The following PLEKHG1 variants were observed in gnomAD, a reference collection of about 807,000 sequenced individuals.
The protein encoded by PLEKHG1 is pleckstrin homology domain-containing family G member 1.
Under a neutral mutation model 100.8 loss-of-function variants are expected in PLEKHG1, and 44 were observed. The ratio of observed to expected loss-of-function variants is 0.44; its 90% confidence interval spans 0.34 to 0.56. The LOEUF (loss-of-function observed/expected upper bound fraction) is 0.56, where lower values mean the gene tolerates loss of function less well. Among genes scored for constraint, PLEKHG1 ranks in the 20% least tolerant of loss-of-function variants. PLEKHG1 has a pLI of 0.01. For synonymous variants in PLEKHG1, 640 were observed against 662.5 expected (o/e 0.97, Z 0.52); for missense variants, 1,545 against 1,720.9 (o/e 0.90, Z 1.81).
intron 3 of PLEKHG1, among the ~76,000 whole-genome samples, chr6:150,709,660 T>C (rs574412501): frequency 2.7e-4 from 41 of 152,340 alleles, no homozygotes; most frequent in African/African-American, 9.9e-4. Flanking sequence ...TAAAATTGTC[T>C]GGGAGAGCTG....
intron 3 of PLEKHG1, among the ~76,000 whole-genome samples, chr6:150,653,244 T>C (rs1355201339): frequency 1.3e-5 from 2 of 152,162 alleles, no homozygotes; most frequent in Non-Finnish European, 2.9e-5. Context: ...ATAAGGAACA[T>C]ATAATATGGA....
chr6:150,770,241 T>C (rs907080291), intron 3 of PLEKHG1, among the ~76,000 whole-genome samples: 1 of 152,198 alleles, frequency 6.6e-6, no homozygotes, highest in Admixed American at 6.5e-5. Flanking sequence ...CTTGGCTTAC[T>C]AAAATTGGTA....
At chr6:150,786,736 G>T (rs1156470649) in intron 4 of PLEKHG1, among the ~76,000 whole-genome samples, 2 of 151,918 alleles carry the variant, frequency 1.3e-5, no homozygotes, top group Non-Finnish European at 2.9e-5. Flanking sequence ...GTAGAAGAAT[G>T]TTAGAAAAAT....
At chr6:150,726,369 C>T (rs1192007884) in intron 1 of PLEKHG1, among the ~76,000 whole-genome samples, 1 of 152,154 alleles carries the variant, frequency 6.6e-6, no homozygotes, top group Non-Finnish European at 1.5e-5. Context: ...CACATGTATA[C>T]TTATCTCCAG....
chr6:150,708,203 G>T (rs9478788), intron 3 of PLEKHG1, among the ~76,000 whole-genome samples: 67,897 of 151,988 alleles, frequency 0.45, 15,812 homozygotes, highest in Admixed American at 0.52. Flanking sequence ...CTCTTTTTCA[G>T]GTCATTCTCA....
At chr6:150,826,168 G>A (rs142943915) in intron 14 of PLEKHG1, among the ~76,000 whole-genome samples, 87 of 151,534 alleles carry the variant, frequency 5.7e-4, no homozygotes, top group African/African-American at 2.1e-3. Flanking sequence ...GGCAACAAGA[G>A]CAAAAAAGGC....
intron 1 of PLEKHG1, among the ~76,000 whole-genome samples, chr6:150,614,119 A>C (rs1776962322): frequency 6.6e-6 from 1 of 152,212 alleles, no homozygotes; most frequent in South Asian, 2.1e-4. Flanking sequence ...GCTGATTGTG[A>C]TCTTGAGCTC....
intron 1 of PLEKHG1, among the ~76,000 whole-genome samples, chr6:150,634,038 T>A (rs1777876924): frequency 6.6e-6 from 1 of 151,770 alleles, no homozygotes; most frequent in African/African-American, 2.4e-5. Flanking sequence ...GATCAGGAGT[T>A]GGAGACCAGC....
Position 150,618,010 on chromosome 6 carries a change from A to G in PLEKHG1, c.-204+17993A>G, listed in dbSNP as rs192283823. Among the ~76,000 whole-genome samples the G allele has an allele frequency of 1.4e-4, 21 of 152,360 alleles. 1 individual carries two copies. The highest frequency in any genetic ancestry group is 1.2e-3 in the Admixed American group (18 of 15,302). On this transcript the variant is annotated intron_variant, in intron 1 of 3. Transcript: ENST00000367326. ...AGTGTGTATGCACACATGAGCCATT[A>G]CATATACACACATATACATATAAGT...
chr6:150,750,311 G>C (rs1783433075), intron 2 of PLEKHG1, among the ~76,000 whole-genome samples: 1 of 152,122 alleles, frequency 6.6e-6, no homozygotes, highest in South Asian at 2.1e-4. Flanking sequence ...CTAAAGCCGA[G>C]GTTGCACATG....
rs565121317 is a variant in PLEKHG1 at position 150,628,527 on chromosome 6, A to AACACACACACACACACACACACAC, written c.-203-9526_-203-9503dup. 1.9e-3 allele frequency among the ~76,000 whole-genome samples: 184 copies of AACACACACACACACACACACACAC among 94,772 alleles called. 1 individual carries two copies. Among genetic ancestry groups the AACACACACACACACACACACACAC allele is most frequent in the Middle Eastern group, 6.4e-3 (1 of 156 alleles). The allele number at this position is 94,772 out of a possible 152,430, so 62.2% of individuals were successfully genotyped here. A position where few individuals can be genotyped will look rare whatever the true frequency, so the allele number is the denominator to read the frequency against. ...TTTTGGGATGGTATGTAGATAGGAA[A>AACACACACACACACACACACACAC]ACACACACACACACACACACACACA... On this transcript the variant is annotated intron_variant, in intron 1 of 3. Transcript: ENST00000367326.
Position 150,649,783 on chromosome 6 carries a change from G to A in PLEKHG1, c.-157-945G>A, listed in dbSNP as rs541253044. On this transcript the variant is annotated intron_variant, in intron 2 of 3. Transcript: ENST00000367326. ...TCCCAGCACTTTGGGAGGCCGAGGC[G>A]GGCGGATCACAAGGTCAGGAGATCG... 2.5e-3 allele frequency among the ~76,000 whole-genome samples: 383 copies of A among 152,182 alleles called. 3 individuals carry two copies. The highest frequency in any genetic ancestry group is 8.5e-3 in the African/African-American group (353 of 41,520).
At chr6:150,758,460 C>T (rs528274416) in intron 2 of PLEKHG1, among the ~76,000 whole-genome samples, 29 of 152,212 alleles carry the variant, frequency 1.9e-4, no homozygotes, top group African/African-American at 6.5e-4. Context: ...CTCAGCCTCC[C>T]GAGTAGCTGG....
chr6:150,819,894 CATTTGCGGCTGCCTTAAG>C, intron 12 of PLEKHG1, 120 bp downstream of exon 13: 1 of 690,292 alleles, frequency 1.4e-6, no homozygotes. Flanking sequence ...GGTCTGAATA[CATTTGCGGCTGCCTTAAG>C]ATGGGACTCA....
chr6:150,695,210 T>C (rs1330741712), intron 3 of PLEKHG1, among the ~76,000 whole-genome samples: 4 of 152,232 alleles, frequency 2.6e-5, no homozygotes, highest in Non-Finnish European at 5.9e-5. Context: ...CTGATTTCCA[T>C]TTTCTTTGCT....
intron 14 of PLEKHG1, among the ~76,000 whole-genome samples, chr6:150,826,406 C>T (rs578073623): frequency 7.2e-5 from 11 of 152,088 alleles, no homozygotes; most frequent in South Asian, 2.1e-4. Flanking sequence ...TGCAGTAAGC[C>T]GAGATTGTGC....
intron 3 of PLEKHG1, among the ~76,000 whole-genome samples, chr6:150,703,515 C>T (rs547429456): frequency 1.3e-5 from 2 of 151,012 alleles, no homozygotes; most frequent in East Asian, 3.9e-4. Context: ...GCAGGAGAAT[C>T]GCTTGAATCC....
At chr6:150,700,511 A>G (rs1780728764) in intron 3 of PLEKHG1, among the ~76,000 whole-genome samples, 1 of 152,172 alleles carries the variant, frequency 6.6e-6, no homozygotes, top group African/African-American at 2.4e-5. Context: ...TCCTCTTTCC[A>G]GGCTTCAGAG....
At chr6:150,663,630 T>C (rs10085221) in intron 3 of PLEKHG1, 11,265 of 150,712 alleles carry the variant, frequency 0.075, 516 homozygotes, top group Non-Finnish European at 0.1. Flanking sequence ...CTTGGCTCAC[T>C]GCAACCTCCA....
Sources: allele counts gnomAD v4.1 joint callset (sites outside exome capture counted in the v4.1 genomes callset), GRCh38; gene constraint gnomAD v4.1.1; transcripts MANE v1.5; gene names NCBI Gene and HGNC (gene_info 2026-07-23, HGNC 2026-07-21).